SRSF12: variants seen among roughly 807,000 people sequenced by gnomAD.
SRSF12 encodes the protein serine/arginine-rich splicing factor 12.
In SRSF12, 21 loss-of-function variants were observed where a neutral mutation model predicts 34.1. The observed-to-expected ratio is 0.62, with a 90% confidence interval of 0.44 to 0.89. SRSF12 has a LOEUF of 0.89. SRSF12 is among the 40% of genes least tolerant of loss of function. The pLI, the probability that SRSF12 is intolerant of heterozygous loss-of-function variation, is 0.00. For missense variants in SRSF12, 278 were observed against 327.8 expected, an observed-to-expected ratio of 0.85 and a Z score of 1.17; for synonymous variants, 111 against 110.8, an observed-to-expected ratio of 1.00 and a Z score of -0.01.
intron 1 of SRSF12, 83 bp from the exon 2 acceptor site, chr6:89,107,341 C>T (rs899339970): frequency 4.9e-6 from 5 of 1,029,212 alleles, no homozygotes; most frequent in Non-Finnish European, 7.3e-6. Flanking sequence ...TTGAAACCTT[C>T]AAAAGAAAGA....
chr6:89,113,614 G>T (rs563534119), intron 1 of SRSF12, among the ~76,000 whole-genome samples: 2 of 151,986 alleles, frequency 1.3e-5, no homozygotes, highest in Non-Finnish European at 2.9e-5. Context: ...AGGCCCCAAA[G>T]ATTTTGTTTA....
At chr6:89,100,755 A>C (rs1272557807) in intron 4 of SRSF12, among the ~76,000 whole-genome samples, 4 of 152,244 alleles carry the variant, frequency 2.6e-5, no homozygotes, top group Admixed American at 2.6e-4. Flanking sequence ...AAAATATATG[A>C]TATCTGAAAT....
rs748510344 is a variant in SRSF12, at chr6:89,098,540, T to C, written c.*38A>G. 1.9e-6 allele frequency: 3 copies of C among 1,548,762 alleles called. No homozygotes were observed. The highest frequency in any genetic ancestry group is 1.3e-5 in the South Asian group (1 of 79,328). On this transcript the variant is annotated 3_prime_UTR_variant, in exon 5 of 5. Transcript: ENST00000452027. ...TTTAACATAATGAGAGTTTAATAACTTATATTAAAGACGGCGTGGTGCTCT... is the reference window on the plus strand; with the variant it reads ...TTTAACATAATGAGAGTTTAATAACCTATATTAAAGACGGCGTGGTGCTCT...
At position 89,098,400 on chromosome 6, in the gene SRSF12, C is replaced by T. The variant is rs1017879465; in HGVS notation, c.*178G>A. 2.3e-5 allele frequency: 15 copies of T among 659,594 alleles called. No homozygotes were observed. The African/African-American group carries it at 2.6e-4, about 11-fold the overall frequency. The allele number at this position is 659,594 out of a possible 1,614,324, so 40.9% of individuals were successfully genotyped here. A position where few individuals can be genotyped will look rare whatever the true frequency, so the allele number is the denominator to read the frequency against. ...GACAAATCATAATTTGTAGTGTGGG[C>T]CCTTTAAATGGAGACCAAATTTTTA... On this transcript the variant is annotated 3_prime_UTR_variant, in exon 5 of 5. Coordinates refer to ENST00000452027, the MANE Select transcript of SRSF12 (RefSeq NM_080743.5).
chr6:89,098,755 C>A lies in SRSF12; in HGVS notation c.609G>T (p.Gln203His). The A allele has an allele frequency of 6.2e-7, 1 of 1,613,918 alleles. No homozygotes were observed. The highest frequency in any genetic ancestry group is 8.5e-7 in the Non-Finnish European group (1 of 1,179,876). The change falls in exon 5 of 5, where the codon CAG becomes CAT. Residue 203 changes from glutamine (Q) to histidine (H), a missense_variant. Physicochemically the swap from Gln to His is conservative, Grantham distance 24 (BLOSUM62 0). Coordinates refer to ENST00000452027, the MANE Select transcript of SRSF12 (RefSeq NM_080743.5). ...GKSQSSSPQKQTSSGTKSRSH... is the reference protein window; with the variant it reads ...GKSQSSSPQKHTSSGTKSRSH... ...ATCTTGATTTTGTTCCTGAGCTAGT[C>A]TGCTTTTGAGGTGAACTTGACTGTG...
chr6:89,099,415 C>CACATAT (rs1554182353), intron 4 of SRSF12, among the ~76,000 whole-genome samples: 1 of 140,430 alleles, frequency 7.1e-6, no homozygotes, highest in Non-Finnish European at 1.5e-5. Flanking sequence ...TATATATATA[C>CACATAT]ATATATATAT....
chr6:89,104,261 G>A (rs909062218), intron 4 of SRSF12, among the ~76,000 whole-genome samples: 1 of 145,754 alleles, frequency 6.9e-6, no homozygotes, highest in Non-Finnish European at 1.5e-5. Flanking sequence ...TTTTGAGACG[G>A]AGTCTCGCTC....
intron 2 of SRSF12, 61 bp from the exon 3 acceptor site, chr6:89,105,591 T>C (rs1768745797): frequency 1.6e-6 from 2 of 1,216,162 alleles, no homozygotes; most frequent in Non-Finnish European, 2.3e-6. Context: ...TTTAAAAGCA[T>C]TATTTACATG....
intron 4 of SRSF12, among the ~76,000 whole-genome samples, chr6:89,104,267 C>T (rs1196928504): frequency 1.2e-4 from 17 of 143,776 alleles, no homozygotes; most frequent in Non-Finnish European, 2.5e-4. Flanking sequence ...GACGGAGTCT[C>T]GCTCTGTCGC....
At chr6:89,112,298 A>G (rs1769089076) in intron 1 of SRSF12, among the ~76,000 whole-genome samples, 2 of 152,202 alleles carry the variant, frequency 1.3e-5, no homozygotes, top group African/African-American at 4.8e-5. Context: ...AAAGCCTTTT[A>G]GTGTCTTCTG....
chr6:89,117,940 G>A lies in SRSF12; in HGVS notation c.-53C>T, dbSNP rs892004595. 9.9e-6 allele frequency: 15 copies of A among 1,517,100 alleles called. No individual in the cohort carries two copies. The highest frequency in any genetic ancestry group is 2.1e-5 in the Admixed American group (1 of 48,220). The allele number at this position is 1,517,100 out of a possible 1,614,324, so 94.0% of individuals were successfully genotyped here. On this transcript the variant is annotated 5_prime_UTR_variant, in exon 1 of 5. It adds an upstream start codon to the 5' untranslated region. Transcript: ENST00000452027. Reference sequence around the variant, plus strand: ...TGCCCGCGGCCGCTGGACTCGCTCCGTCTCCCGCTACCGCTGCTACCACCA... The same window carrying A: ...TGCCCGCGGCCGCTGGACTCGCTCCATCTCCCGCTACCGCTGCTACCACCA...
intron 1 of SRSF12, among the ~76,000 whole-genome samples, chr6:89,110,395 T>C (rs910891957): frequency 6.6e-6 from 1 of 152,198 alleles, no homozygotes; most frequent in Non-Finnish European, 1.5e-5. Flanking sequence ...TTCCCACTGG[T>C]TACTCGGTTA....
chr6:89,106,948 G>C (rs1235402925), intron 2 of SRSF12: 1 of 611,466 alleles, frequency 1.6e-6, no homozygotes, highest in Non-Finnish European at 3.0e-6. Context: ...TCGCCTGCTG[G>C]GTTTATGCTT....
chr6:89,113,126 T>G (rs1769132984), intron 1 of SRSF12, among the ~76,000 whole-genome samples: 1 of 152,216 alleles, frequency 6.6e-6, no homozygotes, highest in African/African-American at 2.4e-5. Flanking sequence ...GTAACTGAAA[T>G]CATGCTGCAT....
At chr6:89,105,576 C>G (rs1293124040) in intron 2 of SRSF12, 46 bp from the exon 3 acceptor site, 1 of 1,361,210 alleles carries the variant, frequency 7.3e-7, no homozygotes, top group African/African-American at 1.5e-5. Context: ...ATCAAGTAAA[C>G]ATATTTTAAA....
At chr6:89,112,005 A>C (rs182743868) in intron 1 of SRSF12, among the ~76,000 whole-genome samples, 1 of 152,308 alleles carries the variant, frequency 6.6e-6, no homozygotes, top group African/African-American at 2.4e-5. Context: ...ACATAACACA[A>C]ATTTTAAAAC....
intron 1 of SRSF12, among the ~76,000 whole-genome samples, chr6:89,111,837 T>G (rs1228165023): frequency 6.6e-6 from 1 of 152,188 alleles, no homozygotes; most frequent in African/African-American, 2.4e-5. Context: ...TTGTTGTGTT[T>G]TTGTTTTTGG....
At chr6:89,115,631 C>CTTTTTTTTTT (rs760005395) in intron 1 of SRSF12, among the ~76,000 whole-genome samples, 2 of 129,002 alleles carry the variant, frequency 1.6e-5, no homozygotes, top group African/African-American at 6.2e-5. Context: ...TTTTTTCTTT[C>CTTTTTTTTTT]TTTTTTTTTT....
intron 4 of SRSF12, among the ~76,000 whole-genome samples, chr6:89,102,272 T>G (rs1037505234): frequency 2.0e-5 from 3 of 152,030 alleles, no homozygotes; most frequent in Admixed American, 6.6e-5. Context: ...ACCTCCCAAG[T>G]AGCTGGGATT....
Sources: gnomAD v4.1 joint callset for allele counts (sites outside exome capture counted in the v4.1 genomes callset) on GRCh38, gnomAD v4.1.1 for gene constraint, MANE v1.5 for transcripts, NCBI Gene and HGNC (gene_info 2026-07-23, HGNC 2026-07-21) for gene names.